The following GRID2 variants were observed in gnomAD, a reference collection of about 807,000 sequenced individuals.
The protein encoded by GRID2 is glutamate receptor ionotropic, delta-2.
A neutral mutation model predicts 114.8 loss-of-function variants in GRID2; 33 were observed. The ratio of observed to expected loss-of-function variants is 0.29; its 90% CI spans 0.22 to 0.38. The LOEUF is 0.38. Ranked by LOEUF, GRID2 falls within the 10% of genes least tolerant of loss-of-function variation. The pLI, the probability that GRID2 is intolerant of heterozygous loss-of-function variation, is 1.00. For synonymous variants in GRID2, 505 were observed against 449.9 expected, an observed-to-expected ratio of 1.12 and a Z score of -1.55; for missense variants, 1,184 against 1,257.7, an observed-to-expected ratio of 0.94 and a Z score of 0.89.
At position 92,939,239 on chromosome 4, in the gene GRID2, A is replaced by T. The variant is rs1244133319; in HGVS notation, c.245-145756A>T. Among the ~76,000 whole-genome samples the T allele has an allele frequency of 8.3e-4, 122 of 146,888 alleles. 3 individuals carry two copies. Among genetic ancestry groups the T allele is most frequent in the Non-Finnish European group, 1.1e-3 (71 of 66,190 alleles). ...TCTCCAGCACCTGTTGTTTCCTGAC[A>T]TTTTAATGATTGCCATTCTAACTGG... On this transcript the variant is annotated intron_variant, in intron 2 of 15. Transcript: ENST00000282020.
chr4:93,145,471 A>ATTTT (rs1212438910), intron 4 of GRID2, among the ~76,000 whole-genome samples: 3 of 144,758 alleles, frequency 2.1e-5, no homozygotes, highest in South Asian at 2.1e-4. Context: ...TTATTTATTT[A>ATTTT]TTTTTTTTTG....
chr4:92,996,019 G>T (rs556493542), intron 2 of GRID2, among the ~76,000 whole-genome samples: 1 of 152,034 alleles, frequency 6.6e-6, no homozygotes, highest in East Asian at 1.9e-4. Context: ...GCCAGGCACA[G>T]TGGCTCATGC....
intron 2 of GRID2, among the ~76,000 whole-genome samples, chr4:92,591,861 T>G (rs1428908178): frequency 8.6e-5 from 13 of 152,034 alleles, no homozygotes; most frequent in Non-Finnish European, 1.6e-4. Context: ...ATAATAATGT[T>G]TATAATAATA....
At chr4:93,099,437 T>A (rs1731514783) in intron 3 of GRID2, among the ~76,000 whole-genome samples, 1 of 151,910 alleles carries the variant, frequency 6.6e-6, no homozygotes, top group Admixed American at 6.6e-5. Context: ...TGCAACAAGG[T>A]TGGTGGTAAC....
At chr4:93,307,951 A>G (rs779415964) in intron 8 of GRID2, among the ~76,000 whole-genome samples, 1 of 149,868 alleles carries the variant, frequency 6.7e-6, no homozygotes, top group Non-Finnish European at 1.5e-5. Context: ...TTTTTTTTTT[A>G]AAAACTTTTA....
At chr4:93,108,089 C>T (rs550224120) in intron 3 of GRID2, among the ~76,000 whole-genome samples, 1 of 152,072 alleles carries the variant, frequency 6.6e-6, no homozygotes, top group Non-Finnish European at 1.5e-5. Context: ...TGAGCTGTTG[C>T]CTTTTCTCCT....
chr4:92,678,578 T>C (rs1733498295), intron 2 of GRID2, among the ~76,000 whole-genome samples: 1 of 151,992 alleles, frequency 6.6e-6, no homozygotes, highest in African/African-American at 2.4e-5. Flanking sequence ...GTCTATTGCA[T>C]TTGGAATTAG....
At chr4:92,705,054 T>C (rs774266709) in intron 2 of GRID2, among the ~76,000 whole-genome samples, 10 of 152,158 alleles carry the variant, frequency 6.6e-5, no homozygotes, top group Non-Finnish European at 1.3e-4. Context: ...TTTGGATGAA[T>C]GTTACCAGAC....
chr4:93,622,601 G>A (rs953577262), intron 13 of GRID2, among the ~76,000 whole-genome samples: 3 of 152,162 alleles, frequency 2.0e-5, no homozygotes, highest in African/African-American at 7.2e-5. Flanking sequence ...GGGTACCACA[G>A]ACACTCCATG....
At chr4:93,648,975 A>C (rs935684629) in intron 14 of GRID2, among the ~76,000 whole-genome samples, 10 of 152,188 alleles carry the variant, frequency 6.6e-5, no homozygotes, top group African/African-American at 2.4e-4. Context: ...TTATAAAGCA[A>C]AGCTTAGCAC....
chr4:92,725,867 G>A (rs1400536257), intron 2 of GRID2, among the ~76,000 whole-genome samples: 1 of 152,088 alleles, frequency 6.6e-6, no homozygotes, highest in Non-Finnish European at 1.5e-5. Context: ...TAGAGATAAA[G>A]CTTTCTGTTG....
chr4:92,982,295 T>C (rs1578669349), intron 2 of GRID2, among the ~76,000 whole-genome samples: 2 of 152,064 alleles, frequency 1.3e-5, no homozygotes, highest in African/African-American at 4.8e-5. Context: ...AAGTATATAA[T>C]ATTACCAGTT....
At chr4:92,728,802 A>T (rs541098232) in intron 2 of GRID2, among the ~76,000 whole-genome samples, 3 of 152,126 alleles carry the variant, frequency 2.0e-5, no homozygotes, top group South Asian at 4.1e-4. Flanking sequence ...AAACAGAAAT[A>T]TGAGGAATGA....
chr4:93,762,434 C>T (rs1002415415), intron 14 of GRID2, among the ~76,000 whole-genome samples: 3 of 152,012 alleles, frequency 2.0e-5, no homozygotes, highest in Non-Finnish European at 1.5e-5. Flanking sequence ...GAAGAAGTAC[C>T]AAAAGGTCTT....
intron 1 of GRID2, among the ~76,000 whole-genome samples, chr4:92,484,125 A>G (rs1224102897): frequency 6.6e-6 from 1 of 152,194 alleles, no homozygotes; most frequent in Non-Finnish European, 1.5e-5. Context: ...AAGAAACATT[A>G]CAAATTGATA....
At chr4:93,431,370 CT>C (rs1769390470) in intron 10 of GRID2, among the ~76,000 whole-genome samples, 1 of 151,938 alleles carries the variant, frequency 6.6e-6, no homozygotes, top group Non-Finnish European at 1.5e-5. Flanking sequence ...CTGGGCTAAT[CT>C]TAGGATGAAA....
chr4:92,707,307 A>G (rs1033888263), intron 2 of GRID2, among the ~76,000 whole-genome samples: 9 of 152,210 alleles, frequency 5.9e-5, no homozygotes, highest in Non-Finnish European at 1.3e-4. Flanking sequence ...TGGTAGAAAT[A>G]TATAGATTCT....
chr4:92,795,994 C>G (rs1301898550), intron 2 of GRID2, among the ~76,000 whole-genome samples: 1 of 151,906 alleles, frequency 6.6e-6, no homozygotes, highest in Non-Finnish European at 1.5e-5. Context: ...TGAAGTTATG[C>G]ACAACATCTG....
chr4:92,476,664 C>T (rs1013978496), intron 1 of GRID2, among the ~76,000 whole-genome samples: 1 of 151,970 alleles, frequency 6.6e-6, no homozygotes, highest in Non-Finnish European at 1.5e-5. Context: ...TACTTATAAC[C>T]ACTAACTAAA....
Sources: gnomAD v4.1 joint callset for allele counts (sites outside exome capture counted in the v4.1 genomes callset) on GRCh38, gnomAD v4.1.1 for gene constraint, MANE v1.5 for transcripts, NCBI Gene and HGNC (gene_info 2026-07-23, HGNC 2026-07-21) for gene names.